Variants in ZNF536 observed in about 807,000 individuals in gnomAD.
ZNF536 encodes zinc finger protein 536.
In ZNF536, 13 loss-of-function variants were observed where a neutral mutation model predicts 84.5. The ratio of observed to expected loss-of-function variants is 0.15; its 90% CI spans 0.10 to 0.24. ZNF536 has a LOEUF of 0.24. ZNF536 is among the 10% of genes least tolerant of loss of function. The pLI is 1.00. For synonymous variants in ZNF536, 811 were observed against 742.5 expected, an observed-to-expected ratio of 1.09 and a Z score of -1.50; for missense variants, 1,536 against 1,747.5, an observed-to-expected ratio of 0.88 and a Z score of 2.16.
intron 1 of ZNF536, among the ~76,000 whole-genome samples, chr19:30,607,137 TCGA>T (rs1438874765): frequency 6.6e-6 from 1 of 152,204 alleles, no homozygotes; most frequent in Non-Finnish European, 1.5e-5. Context: ...CTAAACCTCT[TCGA>T]CGTAGATTTT....
chr19:30,236,142 G>A (rs1464626487), intron 1 of ZNF536, among the ~76,000 whole-genome samples: 1 of 152,256 alleles, frequency 6.6e-6, no homozygotes, highest in Non-Finnish European at 1.5e-5. Flanking sequence ...CGGCATGAAA[G>A]GATTTAATCT....
intron 1 of ZNF536, among the ~76,000 whole-genome samples, chr19:30,576,653 C>T (rs1343021655): frequency 6.6e-6 from 1 of 152,218 alleles, no homozygotes; most frequent in African/African-American, 2.4e-5. Flanking sequence ...CATCCATACC[C>T]CCTGCCTCAC....
chr19:30,367,851 T>C (rs951321776), upstream of ZNF536, among the ~76,000 whole-genome samples: 1 of 152,128 alleles, frequency 6.6e-6, no homozygotes, highest in African/African-American at 2.4e-5. Flanking sequence ...ATCTCTCTCT[T>C]CTCCTTTTCC....
At chr19:30,560,779 G>T (rs1057294715), downstream of ZNF536, among the ~76,000 whole-genome samples, 1 of 152,204 alleles carries the variant, frequency 6.6e-6, no homozygotes, top group Non-Finnish European at 1.5e-5. Flanking sequence ...TCTAAATGTT[G>T]GGAGATGATT....
chr19:30,669,427 G>A (rs1353773563), intron 1 of ZNF536, among the ~76,000 whole-genome samples: 2 of 152,244 alleles, frequency 1.3e-5, no homozygotes, highest in Admixed American at 6.5e-5. Flanking sequence ...GCCGTGGTCA[G>A]CTTCCCCGGG....
At chr19:30,527,026 C>A (rs527910106) in intron 2 of ZNF536, among the ~76,000 whole-genome samples, 1 of 151,762 alleles carries the variant, frequency 6.6e-6, no homozygotes, top group Non-Finnish European at 1.5e-5. Flanking sequence ...TCAAGCGATT[C>A]TCTTATCTCA....
At chr19:30,480,661 C>T (rs1325289790) in intron 2 of ZNF536, among the ~76,000 whole-genome samples, 2 of 152,088 alleles carry the variant, frequency 1.3e-5, no homozygotes, top group East Asian at 3.8e-4. Context: ...CACATGTATA[C>T]CTATGTAACA....
At chr19:30,489,881 G>C (rs1320653216) in intron 2 of ZNF536, among the ~76,000 whole-genome samples, 1 of 152,158 alleles carries the variant, frequency 6.6e-6, no homozygotes, top group Non-Finnish European at 1.5e-5. Flanking sequence ...TGCTGAAAAG[G>C]CTGAAGAAGT....
intron 1 of ZNF536, among the ~76,000 whole-genome samples, chr19:30,411,181 C>T (rs968074081): frequency 2.6e-5 from 4 of 152,230 alleles, no homozygotes; most frequent in South Asian, 2.1e-4. Context: ...TTAGGTTGAA[C>T]GGTATGCACA....
downstream of ZNF536, among the ~76,000 whole-genome samples, chr19:30,561,743 C>T (rs548384557): frequency 5.3e-5 from 8 of 152,314 alleles, no homozygotes; most frequent in South Asian, 4.1e-4. Flanking sequence ...TTTCCTCTCC[C>T]AGCAGCTGAG....
intron 2 of ZNF536, among the ~76,000 whole-genome samples, chr19:30,484,175 T>G (rs1013259905): frequency 6.6e-5 from 10 of 151,348 alleles, no homozygotes; most frequent in African/African-American, 2.4e-4. Flanking sequence ...TGGATGAATG[T>G]ATGTCCCAGA....
intron 2 of ZNF536, among the ~76,000 whole-genome samples, chr19:30,285,618 G>T (rs56312030): frequency 1.6e-4 from 25 of 152,112 alleles, no homozygotes; most frequent in Non-Finnish European, 2.9e-4. Flanking sequence ...GCTTTAAACC[G>T]CTTCCCCAGA....
chr19:30,291,962 A>G (rs765138602), intron 2 of ZNF536, among the ~76,000 whole-genome samples: 1 of 152,144 alleles, frequency 6.6e-6, no homozygotes, highest in Non-Finnish European at 1.5e-5. Flanking sequence ...GCATGCAGGC[A>G]CTCCTATTTG....
exon 2 of ZNF536, chr19:30,711,417 A>G (rs1333878392): frequency 6.6e-6 from 1 of 152,140 alleles, no homozygotes; most frequent in East Asian, 1.9e-4. Flanking sequence ...GTTGTTGAAA[A>G]CACCTCTATA....
At chr19:30,695,682 G>A (rs74425498) in intron 1 of ZNF536, among the ~76,000 whole-genome samples, 1,596 of 152,292 alleles carry the variant, frequency 0.01, 35 homozygotes, top group African/African-American at 0.037. Flanking sequence ...CTATAGAGGA[G>A]GGGTGGGCAC....
chr19:30,326,810 T>G (rs1600232636), intron 2 of ZNF536, among the ~76,000 whole-genome samples: 1 of 134,090 alleles, frequency 7.5e-6, no homozygotes, highest in Non-Finnish European at 1.6e-5. Context: ...TTTTTTTTTT[T>G]TTTTTTTTGT....
chr19:30,439,959 CTTTTT>C (rs199638233), intron 1 of ZNF536, among the ~76,000 whole-genome samples: 3 of 96,396 alleles, frequency 3.1e-5, no homozygotes, highest in Non-Finnish European at 4.0e-5. Context: ...TTCTTTCTTT[CTTTTT>C]TTTTTTTTTT....
chr19:30,390,737 C>T (rs572365875), intron 1 of ZNF536, among the ~76,000 whole-genome samples: 104 of 152,280 alleles, frequency 6.8e-4, no homozygotes, highest in African/African-American at 2.2e-3. Flanking sequence ...CAGGCAGCCC[C>T]GTGAGCTTAC....
At chr19:30,541,837 C>G (rs1424189891) in intron 3 of ZNF536, among the ~76,000 whole-genome samples, 1 of 152,190 alleles carries the variant, frequency 6.6e-6, no homozygotes, top group African/African-American at 2.4e-5. Flanking sequence ...AGATTGTCCC[C>G]TTCTGGACAA....
Sources: gnomAD v4.1 joint callset for allele counts (sites outside exome capture counted in the v4.1 genomes callset) on GRCh38, gnomAD v4.1.1 for gene constraint, MANE v1.5 for transcripts, NCBI Gene and HGNC (gene_info 2026-07-23, HGNC 2026-07-21) for gene names.